The following ROBO2 variants were observed in gnomAD, a reference collection of about 807,000 sequenced individuals.
ROBO2 encodes the protein roundabout homolog 2.
In ROBO2, 53 loss-of-function variants were observed where a neutral mutation model predicts 160.8. That is an observed-to-expected ratio of 0.33 (90% CI 0.26 to 0.41). The LOEUF (loss-of-function observed/expected upper bound fraction) is 0.41, where lower values mean the gene tolerates loss of function less well. ROBO2 is among the 10% of genes least tolerant of loss of function. The probability of loss-of-function intolerance (pLI) is 1.00; values close to 1 mark genes in which losing one functional copy is unlikely to be tolerated. For missense variants in ROBO2, 1,577 were observed against 1,722.4 expected (o/e 0.92, Z 1.49); for synonymous variants, 664 against 611.7 (o/e 1.09, Z -1.26).
intron 2 of ROBO2, among the ~76,000 whole-genome samples, chr3:76,960,783 G>C (rs944437301): frequency 3.9e-5 from 6 of 152,014 alleles, no homozygotes; most frequent in Middle Eastern, 3.2e-3. Flanking sequence ...ATATATGAAT[G>C]CCCAAAAATA....
chr3:76,052,437 T>C (rs2067686211), intron 2 of ROBO2, among the ~76,000 whole-genome samples: 1 of 152,092 alleles, frequency 6.6e-6, no homozygotes, highest in African/African-American at 2.4e-5. Flanking sequence ...AAATTAGTAA[T>C]GTTTGCTTAT....
intron 2 of ROBO2, among the ~76,000 whole-genome samples, chr3:76,814,892 G>C (rs539970570): frequency 6.6e-6 from 1 of 152,074 alleles, no homozygotes; most frequent in African/African-American, 2.4e-5. Flanking sequence ...GTATGTGTTG[G>C]GGGTGGGAGA....
intron 2 of ROBO2, among the ~76,000 whole-genome samples, chr3:76,781,604 T>C (rs2062649673): frequency 1.3e-5 from 2 of 150,782 alleles, no homozygotes; most frequent in Non-Finnish European, 3.0e-5. Context: ...ATCATGAAAA[T>C]GTGTTGAATT....
In ROBO2 at chr3:76,371,118, G is replaced by A. The variant is rs548138393; in HGVS notation, c.109+433516G>A. On this transcript the variant is annotated intron_variant, in intron 2 of 26. Transcript: ENST00000487694. ...TCCAAGTATGTGAGTGTGTGTGTTC[G>A]TGTATGTGTATACATTTATGAAACT... Among the ~76,000 whole-genome samples the A allele has an allele frequency of 2.6e-4, 40 of 152,016 alleles. 1 individual carries two copies. The highest frequency in any genetic ancestry group is 9.4e-4 in the African/African-American group (39 of 41,520).
intron 21 of ROBO2, 82 bp downstream of exon 22, chr3:77,608,036 C>T (rs2094559676): frequency 7.2e-7 from 1 of 1,385,108 alleles, no homozygotes; most frequent in African/African-American, 1.4e-5. Flanking sequence ...ATCTTATGTT[C>T]TCTCACTGTT....
chr3:77,519,742 A>G (rs1562510), intron 5 of ROBO2, among the ~76,000 whole-genome samples: 120,040 of 151,306 alleles, frequency 0.79, 48,342 homozygotes, highest in African/African-American at 0.93. Flanking sequence ...TAAATATATA[A>G]ATGCTTGTGG....
chr3:76,719,661 A>T (rs982661320), intron 2 of ROBO2, among the ~76,000 whole-genome samples: 1 of 152,186 alleles, frequency 6.6e-6, no homozygotes, highest in Admixed American at 6.5e-5. Flanking sequence ...AGGCGGGTGG[A>T]TCGCCTGAGG....
chr3:77,574,979 G>T (rs141323381), intron 14 of ROBO2, among the ~76,000 whole-genome samples: 5 of 152,190 alleles, frequency 3.3e-5, no homozygotes, highest in African/African-American at 7.2e-5. Flanking sequence ...ACTTGAATTG[G>T]ATTATTAAAT....
At chr3:77,333,948 T>G (rs2066233837) in intron 2 of ROBO2, among the ~76,000 whole-genome samples, 1 of 152,000 alleles carries the variant, frequency 6.6e-6, no homozygotes, top group African/African-American at 2.4e-5. Flanking sequence ...ATTTTACTGA[T>G]AAATTCATTC....
intron 2 of ROBO2, among the ~76,000 whole-genome samples, chr3:76,834,050 C>CTT (rs2067348725): frequency 9.8e-5 from 1 of 10,216 alleles, no homozygotes; most frequent in Non-Finnish European, 2.3e-4. Flanking sequence ...CTTTCTTTCT[C>CTT]TCCTTTCTTT....
At chr3:77,329,054 T>G (rs550310269) in intron 2 of ROBO2, among the ~76,000 whole-genome samples, 1 of 152,314 alleles carries the variant, frequency 6.6e-6, no homozygotes, top group South Asian at 2.1e-4. Context: ...GATGTGTTGA[T>G]CCAAGTCTCC....
At chr3:76,629,514 G>C (rs1282189697) in intron 2 of ROBO2, among the ~76,000 whole-genome samples, 1 of 152,096 alleles carries the variant, frequency 6.6e-6, no homozygotes, top group African/African-American at 2.4e-5. Context: ...AAAGATGCAG[G>C]CCAAAAGACT....
chr3:76,061,007 A>G (rs573561564), intron 2 of ROBO2, among the ~76,000 whole-genome samples: 113 of 152,274 alleles, frequency 7.4e-4, no homozygotes, highest in Non-Finnish European at 6.6e-4. Flanking sequence ...GATTATTGCA[A>G]AACTCCACTC....
intron 2 of ROBO2, among the ~76,000 whole-genome samples, chr3:76,523,668 T>C (rs1242396175): frequency 6.6e-6 from 1 of 152,144 alleles, no homozygotes; most frequent in Non-Finnish European, 1.5e-5. Context: ...GTCTTCATAC[T>C]TTCTCTAAGT....
intron 1 of ROBO2, among the ~76,000 whole-genome samples, chr3:77,041,616 A>G (rs1162642659): frequency 1.3e-5 from 2 of 152,278 alleles, no homozygotes; most frequent in African/African-American, 4.8e-5. Flanking sequence ...ACAGGATGTC[A>G]ATTTCTTGTG....
At chr3:77,101,688 A>G (rs148014889) in intron 2 of ROBO2, among the ~76,000 whole-genome samples, 2 of 152,336 alleles carry the variant, frequency 1.3e-5, no homozygotes, top group Non-Finnish European at 2.9e-5. Flanking sequence ...GAGAGGTATC[A>G]GAGTGATAGA....
At chr3:76,314,042 G>A (rs2071793861) in intron 2 of ROBO2, among the ~76,000 whole-genome samples, 1 of 152,136 alleles carries the variant, frequency 6.6e-6, no homozygotes, top group South Asian at 2.1e-4. Flanking sequence ...GCAGATTATT[G>A]TTGGCTCTCA....
At chr3:77,459,553 G>A (rs76399544) in intron 2 of ROBO2, among the ~76,000 whole-genome samples, 4,812 of 152,230 alleles carry the variant, frequency 0.032, 183 homozygotes, top group South Asian at 0.077. Context: ...GATAGATAAC[G>A]AACACAAACA....
intron 2 of ROBO2, among the ~76,000 whole-genome samples, chr3:76,198,871 A>T (rs1702385254): frequency 6.6e-6 from 1 of 152,080 alleles, no homozygotes; most frequent in Non-Finnish European, 1.5e-5. Context: ...CACATTTCCA[A>T]ACCAAACCAA....
Sources: allele counts gnomAD v4.1 joint callset (sites outside exome capture counted in the v4.1 genomes callset), GRCh38; gene constraint gnomAD v4.1.1; transcripts MANE v1.5; gene names NCBI Gene and HGNC (gene_info 2026-07-23, HGNC 2026-07-21).